The following AREL1 variants were observed in gnomAD, a reference collection of about 807,000 sequenced individuals.
AREL1 encodes the protein apoptosis resistant E3 ubiquitin protein ligase 1.
Under a neutral mutation model 99.0 loss-of-function variants are expected in AREL1, and 62 were observed. The ratio of observed to expected loss-of-function variants is 0.63; its 90% CI spans 0.51 to 0.77. The LOEUF is 0.77. Among genes scored for constraint, AREL1 ranks in the 30% least tolerant of loss-of-function variants. The probability of loss-of-function intolerance (pLI) is 0.00; values close to 1 mark genes in which losing one functional copy is unlikely to be tolerated. For missense variants in AREL1, 879 were observed against 1,027.6 expected (o/e 0.86, Z 1.98); for synonymous variants, 380 against 376.5 (o/e 1.01, Z -0.11).
Position 74,676,661 on chromosome 14 carries a change from G to A in AREL1, c.573C>T (p.Pro191=), listed in dbSNP as rs377368325. Reference sequence around the variant, plus strand: ...TGGTGGGATTATCATACTCATCTCGGGGTACTATTTGAAGGGTGTGCGGCT... The same window carrying A: ...TGGTGGGATTATCATACTCATCTCGAGGTACTATTTGAAGGGTGTGCGGCT... The part of the protein sequence containing the change: ...CGQPHTLQIV[P]RDEYDNPTNN... Residue 191 remains proline (P), a synonymous_variant, in exon 6 of 20, where the codon CCC becomes CCT. Transcript: ENST00000356357. The A allele has an allele frequency of 2.5e-6, 4 of 1,614,070 alleles. No individual in the cohort carries two copies.
rs183007297 is a variant in AREL1 at position 74,672,746 on chromosome 14, C to T, written c.1422+85G>A. On this transcript the variant is annotated intron_variant, in intron 11 of 19. Coordinates refer to ENST00000356357, the MANE Select transcript of AREL1 (RefSeq NM_001039479.2). ...TGAGACCCTATCTCCCAAACAAAAACAAAAACAAAAACAGTAACCTGCAGA... is the reference window on the plus strand; with the variant it reads ...TGAGACCCTATCTCCCAAACAAAAATAAAAACAAAAACAGTAACCTGCAGA... 4.0e-5 allele frequency: 63 copies of T among 1,573,402 alleles called. No individual in the cohort carries two copies. The Admixed American group carries it at 9.7e-4, about 24-fold the overall frequency.
chr14:74,683,999 G>A (rs1433247610), intron 4 of AREL1, among the ~76,000 whole-genome samples: 1 of 152,176 alleles, frequency 6.6e-6, no homozygotes, highest in Admixed American at 6.5e-5. Flanking sequence ...AGTCAATGCA[G>A]GAGTTGGGAA....
chr14:74,671,348 GGAGAA>G, intron 12 of AREL1, 55 bp downstream of exon 12: 2 of 172,246 alleles, frequency 1.2e-5, no homozygotes, highest in Non-Finnish European at 2.4e-5. Flanking sequence ...TTTTTTTTGT[GGAGAA>G]GGTGCGAGTG....
intron 1 of AREL1, among the ~76,000 whole-genome samples, chr14:74,703,302 G>A (rs2139981478): frequency 6.6e-6 from 1 of 152,306 alleles, no homozygotes. Context: ...CCAAGCGAAA[G>A]GGGAAATCCC....
chr14:74,664,801 C>T (rs1323825013), intron 18 of AREL1, 35 bp downstream of exon 18: 17 of 1,590,240 alleles, frequency 1.1e-5, no homozygotes, highest in Non-Finnish European at 1.4e-5. Context: ...TATAACATGG[C>T]ACAAATCCAA....
intron 1 of AREL1, among the ~76,000 whole-genome samples, chr14:74,695,904 G>A (rs1025366956): frequency 1.3e-5 from 2 of 152,158 alleles, no homozygotes; most frequent in East Asian, 1.9e-4. Context: ...ATGAGAAGGG[G>A]CTCAACATTC....
intron 1 of AREL1, among the ~76,000 whole-genome samples, chr14:74,700,766 C>T (rs181973466): frequency 3.3e-5 from 5 of 152,120 alleles, no homozygotes; most frequent in Non-Finnish European, 7.4e-5. Context: ...GGCGACAGAG[C>T]GAGAGTCCCT....
chr14:74,690,443 A>G (rs889748073), intron 2 of AREL1, among the ~76,000 whole-genome samples: 1 of 152,178 alleles, frequency 6.6e-6, no homozygotes, highest in Non-Finnish European at 1.5e-5. Flanking sequence ...CTCTAACAGT[A>G]TATTCACTTG....
chr14:74,702,100 A>G (rs1181747666), intron 1 of AREL1, among the ~76,000 whole-genome samples: 1 of 152,198 alleles, frequency 6.6e-6, no homozygotes, highest in Non-Finnish European at 1.5e-5. Context: ...TTCCAGGCAC[A>G]TGGTACAAAC....
chr14:74,667,744 C>T (rs1010017345), intron 15 of AREL1, 150 bp from the exon 16 acceptor site: 3 of 1,038,300 alleles, frequency 2.9e-6, no homozygotes, highest in Non-Finnish European at 2.7e-6. Context: ...TTTCAACACA[C>T]TTGGTTTAAT....
chr14:74,692,492 CCA>C (rs2089903504), intron 1 of AREL1, among the ~76,000 whole-genome samples, 164 bp from the exon 2 acceptor site: 2 of 152,198 alleles, frequency 1.3e-5, no homozygotes, highest in Non-Finnish European at 2.9e-5. Flanking sequence ...AATTAAAACT[CCA>C]CACAGTTTCC....
At position 74,662,794 on chromosome 14, in the gene AREL1, T is replaced by G. The variant is rs1395291018; in HGVS notation, c.*926A>C. The G allele has an allele frequency of 5.1e-6, 2 of 392,470 alleles. No individual in the cohort carries two copies. Among genetic ancestry groups the G allele is most frequent in the African/African-American group, 2.1e-5 (1 of 48,506 alleles). The allele number at this position is 392,470 out of a possible 1,614,324, so 24.3% of individuals were successfully genotyped here. A position where few individuals can be genotyped will look rare whatever the true frequency, so the allele number is the denominator to read the frequency against. On this transcript the variant is annotated 3_prime_UTR_variant, in exon 20 of 20. Coordinates refer to ENST00000356357, the MANE Select transcript of AREL1 (RefSeq NM_001039479.2). ...GCATACTATTCTTACTGTTCTAATC[T>G]TTTGCTACAAAATTTTCTTCAGTAG...
chr14:74,712,935 G>A lies in AREL1; in HGVS notation c.-336C>T. On this transcript the variant is annotated splice_region_variant and 5_prime_UTR_variant, in exon 1 of 20. Coordinates refer to ENST00000356357, the MANE Select transcript of AREL1 (RefSeq NM_001039479.2). ...CTAAGGCTGGAGAGAAACGTTACCC[G>A]AGCCGGGGGTTGCAGCGCGACGAAG... 1.5e-6 allele frequency: 1 copy of A among 680,962 alleles called. No homozygotes were observed. Among genetic ancestry groups the A allele is most frequent in the South Asian group, 1.5e-5 (1 of 66,552 alleles). 42.2% of individuals were successfully genotyped at this position (680,962 alleles called of 1,614,324 possible).
At chr14:74,666,988 G>T (rs2089223056) in intron 17 of AREL1, among the ~76,000 whole-genome samples, 1 of 152,058 alleles carries the variant, frequency 6.6e-6, no homozygotes, top group Non-Finnish European at 1.5e-5. Flanking sequence ...CCAAAGTGCT[G>T]GGATTACAGA....
chr14:74,695,896 G>A (rs1014798106), intron 1 of AREL1, among the ~76,000 whole-genome samples: 2 of 152,208 alleles, frequency 1.3e-5, no homozygotes, highest in Admixed American at 1.3e-4. Context: ...CAATCAGTAT[G>A]AGAAGGGGCT....
At chr14:74,710,373 T>C (rs1013086246) in intron 1 of AREL1, among the ~76,000 whole-genome samples, 17 of 152,244 alleles carry the variant, frequency 1.1e-4, no homozygotes, top group African/African-American at 3.9e-4. Context: ...TTTTAAGTTG[T>C]TGTTGTTCAT....
rs1374433116 is a variant in AREL1 at position 74,670,115 on chromosome 14, G to C, written c.1620C>G (p.Asn540Lys). The change falls in exon 14 of 20, where the codon AAC becomes AAG. Residue 540 changes from asparagine to lysine, a missense_variant. By Grantham distance (94) the Asn-to-Lys change is moderately conservative. Transcript: ENST00000356357. ...SDNNQALVHP[N>K]PNRPAHLRLK... The stretch of plus-strand genomic sequence containing the variant: ...GGCGCAGATGAGCGGGGCGATTAGG[G>C]TTGGGATGCACCTGTCCAAGAAAGA... The C allele has an allele frequency of 1.2e-6, 2 of 1,607,958 alleles. No homozygotes were observed. Among genetic ancestry groups the C allele is most frequent in the Non-Finnish European group, 1.7e-6 (2 of 1,176,354 alleles).
intron 5 of AREL1, among the ~76,000 whole-genome samples, chr14:74,681,070 C>G (rs1406402103): frequency 2.6e-5 from 4 of 152,118 alleles, no homozygotes; most frequent in Non-Finnish European, 5.9e-5. Flanking sequence ...CTTGTAGTCC[C>G]AGCTACTTGG....
intron 2 of AREL1, chr14:74,691,210 C>A (rs767042289): frequency 6.6e-6 from 1 of 151,082 alleles, no homozygotes; most frequent in Non-Finnish European, 1.5e-5. Flanking sequence ...GTCCCAGTTA[C>A]TTGGGAGGCT....
Sources: allele counts gnomAD v4.1 joint callset (sites outside exome capture counted in the v4.1 genomes callset), GRCh38; gene constraint gnomAD v4.1.1; transcripts MANE v1.5; gene names NCBI Gene and HGNC (gene_info 2026-07-23, HGNC 2026-07-21).